The following PLA1A variants were observed in gnomAD, a reference collection of about 807,000 sequenced individuals.
The protein encoded by PLA1A is phospholipase A1 member A, also known as phosphatidylserine-specific phospholipase A1alpha.
In PLA1A, 47 loss-of-function variants were observed where a neutral mutation model predicts 49.4. That is an observed-to-expected ratio of 0.95 (90% CI 0.75 to 1.21). The LOEUF is 1.21. Among genes scored for constraint, PLA1A ranks in the 50% most tolerant of loss-of-function variants. The pLI, the probability that PLA1A is intolerant of heterozygous loss-of-function variation, is 0.00. For missense variants in PLA1A, 561 were observed against 563.9 expected (o/e 0.99, Z 0.05); for synonymous variants, 224 against 207.9 (o/e 1.08, Z -0.67).
At chr3:119,600,019 G>A (rs2082596477) in intron 1 of PLA1A, among the ~76,000 whole-genome samples, 1 of 152,062 alleles carries the variant, frequency 6.6e-6, no homozygotes. Context: ...ATGCCAAAGG[G>A]AAAAGGAAAA....
chr3:119,611,078 TA>T (rs564235900), intron 4 of PLA1A, among the ~76,000 whole-genome samples: 3 of 152,126 alleles, frequency 2.0e-5, no homozygotes, highest in East Asian at 3.9e-4. Flanking sequence ...TCTTTTCCTC[TA>T]AAAAAAGTGT....
chr3:119,610,981 T>C (rs1318427339), intron 4 of PLA1A, among the ~76,000 whole-genome samples: 6 of 152,190 alleles, frequency 3.9e-5, no homozygotes, highest in Non-Finnish European at 7.4e-5. Flanking sequence ...CTTGAGTAAT[T>C]TTTGTATATG....
intron 1 of PLA1A, 150 bp downstream of exon 1, chr3:119,598,136 C>G (rs2082566750): frequency 3.9e-6 from 2 of 510,472 alleles, no homozygotes; most frequent in Admixed American, 3.6e-5. Flanking sequence ...AAAAAAACCC[C>G]TTTTATCATA....
intron 9 of PLA1A, among the ~76,000 whole-genome samples, chr3:119,625,437 T>C (rs567230417): frequency 6.6e-6 from 1 of 152,036 alleles, no homozygotes; most frequent in Non-Finnish European, 1.5e-5. Context: ...TATAGCAGAT[T>C]CAGATGAGAG....
intron 1 of PLA1A, among the ~76,000 whole-genome samples, chr3:119,603,611 T>C (rs556994727): frequency 6.6e-6 from 1 of 152,332 alleles, no homozygotes; most frequent in East Asian, 1.9e-4. Flanking sequence ...CCCACCAACA[T>C]TTGCATGTAA....
chr3:119,607,608 G>T (rs760415932), intron 2 of PLA1A, among the ~76,000 whole-genome samples: 13 of 152,192 alleles, frequency 8.5e-5, no homozygotes, highest in Non-Finnish European at 1.6e-4. Context: ...AGACACAAAG[G>T]CTGTGCACAA....
chr3:119,608,647 C>T (rs2082726084), intron 2 of PLA1A, 123 bp from the exon 3 acceptor site: 1 of 773,584 alleles, frequency 1.3e-6, no homozygotes, highest in African/African-American at 1.7e-5. Context: ...GTAATAAACT[C>T]CTCATATGAG....
chr3:119,609,290 G>A (rs1289726512), intron 3 of PLA1A, among the ~76,000 whole-genome samples, 178 bp from the exon 4 acceptor site: 1 of 152,152 alleles, frequency 6.6e-6, no homozygotes, highest in Non-Finnish European at 1.5e-5. Flanking sequence ...AGGGTGGGGA[G>A]CCCAGGAAGA....
Position 119,606,775 on chromosome 3 carries a change from G to T in PLA1A, c.75G>T (p.Gly25=), listed in dbSNP as rs200252017. The change falls in exon 2 of 11, where the codon GGG becomes GGT. Residue 25 remains glycine (G), a splice_region_variant and synonymous_variant. Coordinates refer to ENST00000273371, the MANE Select transcript of PLA1A (RefSeq NM_015900.4). Reference sequence around the variant, plus strand: ...TTGTTTTGTTTTGTTTTCCTCCAGGGGATGCACCTCCTACCCCACAGCCAA... The same window carrying T: ...TTGTTTTGTTTTGTTTTCCTCCAGGTGATGCACCTCCTACCCCACAGCCAA... The part of the protein sequence containing the change: ...LILWLSVGSS[G]DAPPTPQPKC... 8.1e-6 allele frequency: 13 copies of T among 1,613,192 alleles called. No homozygotes were observed. In the East Asian group the frequency reaches 2.9e-4, roughly 36 times the overall value.
At chr3:119,629,033 T>C (rs1355492761) in intron 10 of PLA1A, among the ~76,000 whole-genome samples, 168 bp downstream of exon 10, 1 of 152,212 alleles carries the variant, frequency 6.6e-6, no homozygotes, top group African/African-American at 2.4e-5. Context: ...GGGACCATCT[T>C]GGGTTGGGGA....
intron 1 of PLA1A, among the ~76,000 whole-genome samples, chr3:119,605,012 T>C (rs2082666934): frequency 6.6e-6 from 1 of 152,238 alleles, no homozygotes; most frequent in Non-Finnish European, 1.5e-5. Context: ...GGACTCAAAC[T>C]CTCTGATGGA....
intron 2 of PLA1A, among the ~76,000 whole-genome samples, chr3:119,608,323 G>A (rs2082722188): frequency 6.6e-6 from 1 of 151,890 alleles, no homozygotes; most frequent in African/African-American, 2.4e-5. Flanking sequence ...CAAAGAAAGA[G>A]CCTATATTTT....
intron 1 of PLA1A, among the ~76,000 whole-genome samples, chr3:119,601,796 A>T (rs115201204): frequency 1.3e-5 from 2 of 152,172 alleles, no homozygotes; most frequent in Non-Finnish European, 2.9e-5. Flanking sequence ...AATACTTCTA[A>T]TATTTCCCAG....
intron 1 of PLA1A, among the ~76,000 whole-genome samples, chr3:119,603,072 G>A (rs2082639185): frequency 6.6e-6 from 1 of 152,194 alleles, no homozygotes; most frequent in South Asian, 2.1e-4. Flanking sequence ...GGGTGGATTA[G>A]CTCAGTTAGG....
rs759023856 is a variant in PLA1A, at chr3:119,606,779, G to T, written c.79G>T (p.Ala27Ser). The change falls in exon 2 of 11, where the codon GCA (alanine) becomes TCA (serine). Residue 27 changes from alanine to serine, a missense_variant. Ala to Ser is a moderately conservative substitution (Grantham distance 99, BLOSUM62 1). Transcript: ENST00000273371. The stretch of plus-strand genomic sequence containing the variant: ...TTTGTTTTGTTTTCCTCCAGGGGAT[G>T]CACCTCCTACCCCACAGCCAAAGTG... ...LWLSVGSSGD[A>S]PPTPQPKCAD... 3.7e-6 allele frequency: 6 copies of T among 1,613,372 alleles called. No individual in the cohort carries two copies. Among genetic ancestry groups the T allele is most frequent in the Non-Finnish European group, 5.1e-6 (6 of 1,179,584 alleles).
intron 9 of PLA1A, among the ~76,000 whole-genome samples, chr3:119,627,541 A>T (rs937437215): frequency 1.3e-4 from 20 of 152,344 alleles, no homozygotes; most frequent in Non-Finnish European, 2.5e-4. Context: ...ACACTGGACT[A>T]AAAAGAACAC....
intron 8 of PLA1A, among the ~76,000 whole-genome samples, chr3:119,622,204 GA>G (rs1429317103): frequency 2.8e-5 from 1 of 35,770 alleles, no homozygotes; most frequent in Non-Finnish European, 5.4e-5. Flanking sequence ...AGAAGAAGAA[GA>G]AGAAGGAGAC....
At chr3:119,624,393 A>G (rs2082987463) in intron 8 of PLA1A, among the ~76,000 whole-genome samples, 1 of 152,194 alleles carries the variant, frequency 6.6e-6, no homozygotes, top group South Asian at 2.1e-4. Flanking sequence ...GTACTGTTGC[A>G]CAGAGCATTC....
At chr3:119,620,232 A>C (rs190395500) in intron 8 of PLA1A, 11 of 446,796 alleles carry the variant, frequency 2.5e-5, no homozygotes, top group Admixed American at 2.1e-4. Context: ...TGCTATGTGC[A>C]TCTTAACTAG....
Sources: allele counts gnomAD v4.1 joint callset (sites outside exome capture counted in the v4.1 genomes callset), GRCh38; gene constraint gnomAD v4.1.1; transcripts MANE v1.5; gene names NCBI Gene and HGNC (gene_info 2026-07-23, HGNC 2026-07-21).